Variants in TNFRSF19 observed in about 807,000 individuals in gnomAD.
TNFRSF19 encodes the protein TNF receptor superfamily member 19.
A neutral mutation model predicts 46.4 loss-of-function variants in TNFRSF19; 27 were observed. The ratio of observed to expected loss-of-function variants is 0.58; its 90% CI spans 0.43 to 0.80. The LOEUF is 0.80. Ranked by LOEUF, TNFRSF19 falls within the 30% of genes least tolerant of loss-of-function variation. The probability of loss-of-function intolerance (pLI) is 0.00; values close to 1 mark genes in which losing one functional copy is unlikely to be tolerated. For synonymous variants in TNFRSF19, 204 were observed against 205.0 expected (o/e 1.00, Z 0.04); for missense variants, 511 against 530.8 (o/e 0.96, Z 0.37).
At chr13:23,667,778 TGA>T (rs1356898455) in intron 7 of TNFRSF19, among the ~76,000 whole-genome samples, 200 bp from the exon 8 acceptor site, 3 of 151,842 alleles carry the variant, frequency 2.0e-5, no homozygotes, top group Non-Finnish European at 4.4e-5. Context: ...TCTGTCTGTA[TGA>T]GTCTGTCTAC....
chr13:23,672,483 C>G (rs540354808), intron 9 of TNFRSF19, among the ~76,000 whole-genome samples: 23 of 152,232 alleles, frequency 1.5e-4, no homozygotes, highest in African/African-American at 5.3e-4. Context: ...CTACTTTTTC[C>G]TTATTGGCAA....
intron 3 of TNFRSF19, among the ~76,000 whole-genome samples, chr13:23,612,722 C>A (rs1014217396): frequency 6.6e-6 from 1 of 152,140 alleles, no homozygotes; most frequent in Non-Finnish European, 1.5e-5. Context: ...AATAAACAGT[C>A]TTTATGAAAG....
rs11841432 is a variant in TNFRSF19 at position 23,607,200 on chromosome 13, G to A, written c.181-8667G>A. ...TGTAATCCCAGCACTTTGGGAGGCCGAGGCAGGTGGATTGCCTGAGGTCAG... is the reference window on the plus strand; with the variant it reads ...TGTAATCCCAGCACTTTGGGAGGCCAAGGCAGGTGGATTGCCTGAGGTCAG... On this transcript the variant is annotated intron_variant, in intron 3 of 9. Coordinates refer to ENST00000248484, the MANE Select transcript of TNFRSF19 (RefSeq NM_148957.4). 6.5e-3 allele frequency among the ~76,000 whole-genome samples: 997 copies of A among 152,290 alleles called. 12 individuals are homozygous for A. Among genetic ancestry groups the A allele is most frequent in the African/African-American group, 0.023 (954 of 41,554 alleles).
At chr13:23,653,826 C>T (rs1883801238) in intron 5 of TNFRSF19, among the ~76,000 whole-genome samples, 1 of 152,204 alleles carries the variant, frequency 6.6e-6, no homozygotes, top group Admixed American at 6.5e-5. Context: ...CCTACTTCAT[C>T]TTTCATGTAA....
At chr13:23,626,115 CTTTG>C (rs2138288881) in intron 4 of TNFRSF19, among the ~76,000 whole-genome samples, 1 of 151,698 alleles carries the variant, frequency 6.6e-6, no homozygotes, top group East Asian at 1.9e-4. Flanking sequence ...ATTTTTCAAT[CTTTG>C]TTTGCCCGTT....
chr13:23,672,463 A>C lies in TNFRSF19; in HGVS notation c.1246-909A>C, dbSNP rs372092826. Among the ~76,000 whole-genome samples the C allele has an allele frequency of 3.3e-5, 5 of 152,328 alleles. No individual in the cohort carries two copies. The East Asian group carries it at 7.7e-4, about 24-fold the overall frequency. On this transcript the variant is annotated intron_variant, in intron 9 of 9. Transcript: ENST00000248484. ...ACCCTGGGTTCTAGTGTTTCAATCT[A>C]TTGAAATGTCTACTTTTTCCTTATT... is the stretch of plus-strand genomic sequence containing the variant.
chr13:23,601,195 A>G (rs1376041648), intron 3 of TNFRSF19, among the ~76,000 whole-genome samples: 2 of 152,196 alleles, frequency 1.3e-5, no homozygotes, highest in Admixed American at 6.5e-5. Context: ...CACCAAGTAT[A>G]TCATTTGCAA....
At chr13:23,660,304 T>A in intron 6 of TNFRSF19, 61 bp from the exon 7 acceptor site, 1 of 1,505,360 alleles carries the variant, frequency 6.6e-7, no homozygotes, top group Non-Finnish European at 9.0e-7. Flanking sequence ...AAAGCTAGAA[T>A]GGCACAGGTC....
chr13:23,574,323 T>C (rs940645635), intron 1 of TNFRSF19, among the ~76,000 whole-genome samples: 1 of 152,160 alleles, frequency 6.6e-6, no homozygotes, highest in Admixed American at 6.5e-5. Context: ...ATTATAGGAA[T>C]AATTCAGTGG....
intron 9 of TNFRSF19, among the ~76,000 whole-genome samples, chr13:23,671,239 T>C (rs1050222507): frequency 6.6e-6 from 1 of 152,202 alleles, no homozygotes; most frequent in Non-Finnish European, 1.5e-5. Context: ...CAAATCATTA[T>C]GAAAAGAAAG....
intron 1 of TNFRSF19, among the ~76,000 whole-genome samples, chr13:23,574,546 TC>T (rs1877837779): frequency 6.6e-6 from 1 of 152,052 alleles, no homozygotes; most frequent in Non-Finnish European, 1.5e-5. Context: ...ATAAAGGACC[TC>T]CCTAAGCCAT....
At chr13:23,635,942 A>C (rs1378796415) in intron 5 of TNFRSF19, among the ~76,000 whole-genome samples, 1 of 152,200 alleles carries the variant, frequency 6.6e-6, no homozygotes, top group East Asian at 1.9e-4. Context: ...TGGATGTATA[A>C]CTTATGTAAT....
At chr13:23,610,939 C>T (rs1880861037) in intron 3 of TNFRSF19, among the ~76,000 whole-genome samples, 1 of 152,048 alleles carries the variant, frequency 6.6e-6, no homozygotes, top group Non-Finnish European at 1.5e-5. Context: ...GGTACCAGGT[C>T]ATAATTTCAA....
chr13:23,575,227 A>T (rs1482815540), intron 1 of TNFRSF19, among the ~76,000 whole-genome samples: 2 of 152,226 alleles, frequency 1.3e-5, no homozygotes, highest in Admixed American at 1.3e-4. Context: ...GGGTCTAGCC[A>T]ATGAGGTACT....
intron 3 of TNFRSF19, among the ~76,000 whole-genome samples, chr13:23,608,299 A>T (rs1434925085): frequency 2.6e-5 from 4 of 152,224 alleles, no homozygotes; most frequent in African/African-American, 9.7e-5. Context: ...CATAAATATG[A>T]GCTATCTCTT....
intron 1 of TNFRSF19, among the ~76,000 whole-genome samples, chr13:23,581,434 C>T (rs1233129412): frequency 6.6e-6 from 1 of 151,702 alleles, no homozygotes; most frequent in Non-Finnish European, 1.5e-5. Flanking sequence ...GCCTGAGCCA[C>T]CGCGCCCGGC....
chr13:23,620,741 C>G (rs1012821864), intron 4 of TNFRSF19, among the ~76,000 whole-genome samples: 6 of 152,162 alleles, frequency 3.9e-5, no homozygotes, highest in Non-Finnish European at 8.8e-5. Flanking sequence ...GTGTGGCCAA[C>G]AGGCCTCCAA....
In TNFRSF19 at chr13:23,635,422, A is replaced by G. The variant is rs181818941; in HGVS notation, c.445+8630A>G. ...GAGACAGAGTCTCACTCTGTCATCC[A>G]GGCTGGAGTGCAGTGGTGTGATCTC... On this transcript the variant is annotated intron_variant, in intron 5 of 9. Coordinates refer to ENST00000248484, the MANE Select transcript of TNFRSF19 (RefSeq NM_148957.4). Among the ~76,000 whole-genome samples the G allele has an allele frequency of 6.2e-3, 938 of 152,324 alleles. 5 individuals are homozygous for G. Among genetic ancestry groups the G allele is most frequent in the Non-Finnish European group, 0.011 (721 of 68,028 alleles).
intron 4 of TNFRSF19, among the ~76,000 whole-genome samples, chr13:23,616,565 T>C (rs1211968816): frequency 2.0e-5 from 2 of 102,000 alleles, no homozygotes; most frequent in African/African-American, 3.1e-5. Flanking sequence ...ATAGGTTTTG[T>C]TTGTTTGTTT....
Sources: gnomAD v4.1 joint callset for allele counts (sites outside exome capture counted in the v4.1 genomes callset) on GRCh38, gnomAD v4.1.1 for gene constraint, MANE v1.5 for transcripts, NCBI Gene and HGNC (gene_info 2026-07-23, HGNC 2026-07-21) for gene names.